PDE4A: variants seen among roughly 807,000 people sequenced by gnomAD.
PDE4A encodes phosphodiesterase 4A.
A neutral mutation model predicts 73.9 loss-of-function variants in PDE4A; 21 were observed. That is an observed-to-expected ratio of 0.28 (90% CI 0.20 to 0.41). PDE4A has a LOEUF of 0.41. Among genes scored for constraint, PDE4A ranks in the 10% least tolerant of loss-of-function variants. PDE4A has a pLI of 1.00. For missense variants in PDE4A, 958 were observed against 1,211.4 expected (o/e 0.79, Z 3.10); for synonymous variants, 463 against 505.4 (o/e 0.92, Z 1.13).
intron 1 of PDE4A, chr19:10,432,501 C>G: frequency 1.3e-6 from 2 of 1,520,210 alleles, no homozygotes; most frequent in Admixed American, 2.1e-5. Context: ...CCCCACGGGC[C>G]CCGAGTCCCT....
chr19:10,449,928 T>A, intron 4 of PDE4A, among the ~76,000 whole-genome samples: 1 of 147,178 alleles, frequency 6.8e-6, no homozygotes, highest in South Asian at 2.2e-4. Flanking sequence ...AGACCCTGTC[T>A]CTAAAAAAAA....
In PDE4A at chr19:10,459,682, G is replaced by A. The variant is rs2043230437; in HGVS notation, c.1288G>A (p.Val430Met). 2 of 1,614,158 alleles carry A rather than the reference G, an allele frequency of 1.2e-6. No homozygotes were observed. Among genetic ancestry groups the A allele is most frequent in the Non-Finnish European group, 1.7e-6 (2 of 1,180,038 alleles). Residue 430 changes from valine (V) to methionine (M), a missense_variant, in exon 10 of 15, where the codon GTG (valine) becomes ATG (methionine). This residue lies in a region of PDE4A where 570 missense variants were observed against 827.7 expected (regional missense o/e 0.69). Transcript: ENST00000380702. ...LTLEDHYHAD[V>M]AYHNSLHAAD... ...GCTGGAGGATCACTACCACGCTGAC[G>A]TGGCCTACCATAACAGCCTGCACGC...
Position 10,467,978 on chromosome 19 carries a change from A to C in PDE4A, c.*357A>C. On this transcript the variant is annotated 3_prime_UTR_variant, in exon 15 of 15. Transcript: ENST00000380702. ...CCTGGTTCCCGCTTTCCACTTCCAA[A>C]TCCCTCCCCTCACCTTCCCCCACTG... The C allele has an allele frequency of 1.9e-5, 3 of 161,970 alleles. No homozygotes were observed. Among genetic ancestry groups the C allele is most frequent in the East Asian group, 3.4e-4 (2 of 5,852 alleles). 10.0% of individuals were successfully genotyped at this position (161,970 alleles called of 1,614,324 possible). A position where few individuals can be genotyped will look rare whatever the true frequency, so the allele number is the denominator to read the frequency against.
chr19:10,420,550 G>A lies in PDE4A; in HGVS notation c.-215G>A, dbSNP rs1406595754. 8.4e-7 allele frequency: 1 copy of A among 1,187,232 alleles called. No homozygotes were observed. Among genetic ancestry groups the A allele is most frequent in the East Asian group, 3.6e-5 (1 of 28,112 alleles). 73.5% of individuals were successfully genotyped at this position (1,187,232 alleles called of 1,614,324 possible). A position where few individuals can be genotyped will look rare whatever the true frequency, so the allele number is the denominator to read the frequency against. On this transcript the variant is annotated 5_prime_UTR_variant, in exon 1 of 15. Transcript: ENST00000380702. This position sits in a 1 kb window ranked among gnomAD's most constrained non-coding sequence, Gnocchi z 6.0. ...CGCGGAGCGCGGAGAGCGCCGCCGG[G>A]CACTGAGCAGAGCTCCAGGCGCCGA...
In PDE4A at chr19:10,467,562, G is replaced by A; in HGVS notation, c.2602G>A (p.Glu868Lys). Residue 868 changes from glutamate to lysine, a missense_variant, in exon 15 of 15, where the codon GAG (glutamate) becomes AAG (lysine). Around this residue, in one of 3 missense-constraint regions of PDE4A, gnomAD observed 243 missense variants for 245.9 expected, o/e 0.99. Transcript: ENST00000380702. Reference protein sequence around the residue: ...ACSACAGTFGEDTSALPAPGG... With the variant: ...ACSACAGTFGKDTSALPAPGG... ...CAGTGCCTGCGCAGGGACATTTGGG[G>A]AGGACACATCCGCACTCCCAGCTCC... is the stretch of plus-strand genomic sequence containing the variant. The A allele has an allele frequency of 1.2e-6, 2 of 1,608,406 alleles. No homozygotes were observed. The highest frequency in any genetic ancestry group is 1.1e-5 in the South Asian group (1 of 90,694).
Position 10,453,396 on chromosome 19 carries a change from G to T in PDE4A, c.784-1433G>T. 6.5e-7 allele frequency: 1 copy of T among 1,545,944 alleles called. No individual in the cohort carries two copies. Among genetic ancestry groups the T allele is most frequent in the Non-Finnish European group, 8.7e-7 (1 of 1,143,886 alleles). On this transcript the variant is annotated intron_variant, in intron 6 of 14. Transcript: ENST00000380702. The surrounding 1 kb of genome is among the most constrained non-coding windows in gnomAD (Gnocchi z 4.6). ...AGCTGGGCCCCCGGTGTGGGCTTGT[G>T]TGTGCAGCTGTGCACGTGTGTGGCC...
intron 1 of PDE4A, among the ~76,000 whole-genome samples, chr19:10,434,123 T>G (rs1336930808): frequency 3.3e-5 from 5 of 152,132 alleles, no homozygotes; most frequent in Non-Finnish European, 5.9e-5. Context: ...CCATAGTATT[T>G]ATCCTTTATG....
intron 1 of PDE4A, among the ~76,000 whole-genome samples, chr19:10,435,561 A>AACACACACACACACAC (rs35022243): frequency 6.9e-6 from 1 of 145,366 alleles, no homozygotes; most frequent in African/African-American, 2.5e-5. Flanking sequence ...ACCCTGTATC[A>AACACACACACACACAC]ACACACACAC....
At chr19:10,454,288 G>A (rs115405442) in intron 6 of PDE4A, among the ~76,000 whole-genome samples, 4 of 152,198 alleles carry the variant, frequency 2.6e-5, no homozygotes, top group Admixed American at 2.6e-4. Flanking sequence ...TGGCTACCAC[G>A]TTCCCTTTTT....
At chr19:10,465,853 A>T (rs2043360019) in intron 14 of PDE4A, among the ~76,000 whole-genome samples, 1 of 147,960 alleles carries the variant, frequency 6.8e-6, no homozygotes, top group Admixed American at 6.8e-5. Context: ...TGTGCCCACC[A>T]CCATGCCCTG....
chr19:10,452,894 C>T, intron 6 of PDE4A: 1 of 854,586 alleles, frequency 1.2e-6, no homozygotes, highest in Non-Finnish European at 1.4e-6. Context: ...CACCTGACAT[C>T]CCATGCAGCC....
chr19:10,439,982 C>CTTTTTTTTTTTTTT (rs1162121051), intron 1 of PDE4A, among the ~76,000 whole-genome samples: 7 of 114,044 alleles, frequency 6.1e-5, no homozygotes, highest in African/African-American at 2.1e-4. Context: ...ATGGTATCTC[C>CTTTTTTTTTTTTTT]TTTTTTTTTT....
intron 1 of PDE4A, among the ~76,000 whole-genome samples, chr19:10,426,635 C>A (rs1199121874): frequency 1.3e-5 from 2 of 151,952 alleles, no homozygotes; most frequent in African/African-American, 4.8e-5. Context: ...CTTTGGGAGG[C>A]CAAGGCAGGT....
intron 1 of PDE4A, among the ~76,000 whole-genome samples, chr19:10,435,526 A>G (rs902719433): frequency 6.6e-6 from 1 of 151,544 alleles, no homozygotes; most frequent in Non-Finnish European, 1.5e-5. Flanking sequence ...GCCCCACTGC[A>G]CTGCAGTCTG....
At chr19:10,426,733 C>T (rs771062216) in intron 1 of PDE4A, among the ~76,000 whole-genome samples, 6 of 151,876 alleles carry the variant, frequency 4.0e-5, no homozygotes, top group East Asian at 1.9e-4. Flanking sequence ...ATTAGCTGGG[C>T]GCACGCCTGC....
upstream of PDE4A, chr19:10,418,900 G>C (rs950711611): frequency 2.0e-6 from 2 of 984,516 alleles, no homozygotes; most frequent in Middle Eastern, 5.2e-4. Flanking sequence ...TGTGTAATGG[G>C]GGGGGTGTTC....
chr19:10,463,140 G>A (rs35452057), intron 13 of PDE4A, among the ~76,000 whole-genome samples: 31,889 of 150,476 alleles, frequency 0.21, 3,798 homozygotes, highest in African/African-American at 0.31. Context: ...TGTCACCCAG[G>A]CTAGAGGGCA....
At chr19:10,460,892 A>G in intron 10 of PDE4A, 112 bp from the exon 11 acceptor site, 1 of 1,200,556 alleles carries the variant, frequency 8.3e-7, no homozygotes, top group Admixed American at 2.4e-5. Context: ...TTGAAGTCCT[A>G]GGCTCAAGTG....
intron 1 of PDE4A, among the ~76,000 whole-genome samples, chr19:10,443,712 C>A (rs1568372965): frequency 6.6e-6 from 1 of 151,576 alleles, no homozygotes; most frequent in African/African-American, 2.4e-5. Context: ...GATTTCATCT[C>A]AAAAAAACAC....
Sources: gnomAD v4.1 joint callset for allele counts (sites outside exome capture counted in the v4.1 genomes callset) on GRCh38, gnomAD v4.1.1 for gene constraint, gnomAD v4.1.1 regional missense constraint, Gnocchi (gnomAD v3.1) non-coding constraint, MANE v1.5 for transcripts, NCBI Gene and HGNC (gene_info 2026-07-23, HGNC 2026-07-21) for gene names.